STK31: variants seen among roughly 807,000 people sequenced by gnomAD.
STK31 encodes serine/threonine-protein kinase 31.
STK31 carries 89 observed loss-of-function variants against 129.7 expected under a neutral mutation model. The ratio of observed to expected loss-of-function variants is 0.69; its 90% CI spans 0.58 to 0.82. The LOEUF is 0.82. Ranked by LOEUF, STK31 falls within the 40% of genes least tolerant of loss-of-function variation. The probability of loss-of-function intolerance (pLI) is 0.00; values close to 1 mark genes in which losing one functional copy is unlikely to be tolerated. For missense variants in STK31, 1,187 were observed against 1,176.4 expected, an observed-to-expected ratio of 1.01 and a Z score of -0.13; for synonymous variants, 448 against 395.3, an observed-to-expected ratio of 1.13 and a Z score of -1.58.
chr7:23,804,439 A>G (rs1369684827), intron 22 of STK31, among the ~76,000 whole-genome samples: 1 of 152,128 alleles, frequency 6.6e-6, no homozygotes, highest in Non-Finnish European at 1.5e-5. Flanking sequence ...GCACTCAAAT[A>G]TTAGTTGAAT....
At chr7:23,797,124 A>G (rs574267498) in intron 22 of STK31, among the ~76,000 whole-genome samples, 30 of 152,332 alleles carry the variant, frequency 2.0e-4, no homozygotes, top group Admixed American at 5.2e-4. Flanking sequence ...GCAAGATCTT[A>G]GAGACCTACA....
chr7:23,744,614 T>G (rs553786571), intron 8 of STK31, among the ~76,000 whole-genome samples: 1 of 152,360 alleles, frequency 6.6e-6, no homozygotes, highest in East Asian at 1.9e-4. Flanking sequence ...GATCTTTTCC[T>G]GAAGATGTAC....
At chr7:23,745,155 A>G (rs1391446393) in intron 8 of STK31, among the ~76,000 whole-genome samples, 1 of 152,138 alleles carries the variant, frequency 6.6e-6, no homozygotes, top group Non-Finnish European at 1.5e-5. Flanking sequence ...TGGTAGTGGC[A>G]GGTTGGGTAG....
chr7:23,742,952 CTTTTT>C (rs56363240), intron 8 of STK31, among the ~76,000 whole-genome samples: 3 of 115,564 alleles, frequency 2.6e-5, no homozygotes, highest in Non-Finnish European at 5.6e-5. Flanking sequence ...GGGTTTTATA[CTTTTT>C]TTTTTTTTTT....
At chr7:23,719,572 A>C (rs1162403139) in intron 4 of STK31, among the ~76,000 whole-genome samples, 1 of 152,162 alleles carries the variant, frequency 6.6e-6, no homozygotes, top group Non-Finnish European at 1.5e-5. Context: ...TGACAACAGT[A>C]GTATGAAACT....
chr7:23,718,001 G>C (rs187821137), intron 4 of STK31, among the ~76,000 whole-genome samples: 2 of 152,248 alleles, frequency 1.3e-5, no homozygotes, highest in East Asian at 3.9e-4. Context: ...AAGAGCTATG[G>C]AGATGGATGA....
intron 10 of STK31, among the ~76,000 whole-genome samples, chr7:23,760,416 A>T (rs2128098257): frequency 6.6e-6 from 1 of 152,246 alleles, no homozygotes; most frequent in Admixed American, 6.5e-5. Context: ...TGGAGAAGGG[A>T]TTTGATTTTG....
At chr7:23,779,964 A>C (rs532761617) in intron 15 of STK31, among the ~76,000 whole-genome samples, 1 of 152,274 alleles carries the variant, frequency 6.6e-6, no homozygotes, top group East Asian at 1.9e-4. Flanking sequence ...GGCACTGGTG[A>C]TGTATGCATC....
chr7:23,809,312 G>A (rs914722058), intron 22 of STK31, among the ~76,000 whole-genome samples: 18 of 151,910 alleles, frequency 1.2e-4, no homozygotes, highest in Admixed American at 2.0e-4. Flanking sequence ...CCTCCTCACA[G>A]CCACCTCATT....
chr7:23,774,870 G>T (rs931815672), intron 15 of STK31, among the ~76,000 whole-genome samples: 1 of 152,138 alleles, frequency 6.6e-6, no homozygotes, highest in Non-Finnish European at 1.5e-5. Flanking sequence ...GTCCTGAATG[G>T]TATTGCCTAG....
chr7:23,788,588 G>A (rs7782946), intron 21 of STK31, among the ~76,000 whole-genome samples: 30,123 of 151,956 alleles, frequency 0.2, 3,255 homozygotes, highest in Admixed American at 0.29. Context: ...TCTAATGGCT[G>A]TTAATTCAGT....
At chr7:23,786,383 A>G in intron 18 of STK31, 125 bp from the exon 19 acceptor site, 1 of 1,078,726 alleles carries the variant, frequency 9.3e-7, no homozygotes, top group South Asian at 3.2e-5. Flanking sequence ...AGTACTTATA[A>G]AATTAAAAAA....
At position 23,788,077 on chromosome 7, in the gene STK31, C is replaced by T; in HGVS notation, c.2585C>T (p.Ala862Val). 1 of 1,612,838 alleles carries T rather than the reference C, an allele frequency of 6.2e-7. No individual in the cohort carries two copies. The highest frequency in any genetic ancestry group is 2.2e-5 in the East Asian group (1 of 44,828). The change falls in exon 21 of 24, where the codon GCT becomes GTT. Residue 862 changes from alanine to valine, a missense_variant. Physicochemically the swap from Ala to Val is moderately conservative, Grantham distance 64. Transcript: ENST00000355870. ...TCACTTCATCAGAACAATGTATTTG[C>T]TTTAAACCGTGAACAAGGAATTGTT... ...HGSLHQNNVF[A>V]LNREQGIVGD... is the part of the protein sequence containing the mutation.
chr7:23,725,206 C>G (rs1027962331), intron 4 of STK31, among the ~76,000 whole-genome samples: 1 of 151,890 alleles, frequency 6.6e-6, no homozygotes, highest in Non-Finnish European at 1.5e-5. Flanking sequence ...TTTTATTCCC[C>G]TTAGGGATAT....
intron 10 of STK31, among the ~76,000 whole-genome samples, chr7:23,761,037 G>T (rs6953242): frequency 0.98 from 149,901 of 152,314 alleles, 73,827 homozygotes; most frequent in East Asian, 1. Context: ...TTTTTCCATT[G>T]AAACCACACT....
At chr7:23,800,369 G>C (rs2128120067) in intron 22 of STK31, among the ~76,000 whole-genome samples, 1 of 152,152 alleles carries the variant, frequency 6.6e-6, no homozygotes, top group South Asian at 2.1e-4. Context: ...AAGAAAATGT[G>C]GCACATATAC....
At chr7:23,780,019 G>A (rs984919189) in intron 15 of STK31, among the ~76,000 whole-genome samples, 1 of 152,186 alleles carries the variant, frequency 6.6e-6, no homozygotes. Context: ...TGTTGGAAAA[G>A]CATAGTATCT....
At chr7:23,758,129 T>C (rs558873291) in intron 10 of STK31, among the ~76,000 whole-genome samples, 279 of 152,324 alleles carry the variant, frequency 1.8e-3, no homozygotes, top group African/African-American at 6.6e-3. Flanking sequence ...TACGTCTACT[T>C]CTTTCTGCAT....
At chr7:23,809,369 C>T (rs570505652) in intron 22 of STK31, among the ~76,000 whole-genome samples, 1 of 152,206 alleles carries the variant, frequency 6.6e-6, no homozygotes, top group African/African-American at 2.4e-5. Flanking sequence ...ATCAATTCTC[C>T]ACTTAAATCC....
Sources: gnomAD v4.1 joint callset for allele counts (sites outside exome capture counted in the v4.1 genomes callset) on GRCh38, gnomAD v4.1.1 for gene constraint, MANE v1.5 for transcripts, NCBI Gene and HGNC (gene_info 2026-07-23, HGNC 2026-07-21) for gene names.